The following MRPL54 variants were observed in gnomAD, a reference collection of about 807,000 sequenced individuals.
MRPL54 encodes the protein mitochondrial ribosomal protein L54.
MRPL54 carries 12 observed loss-of-function variants against 15.6 expected under a neutral mutation model. That is an observed-to-expected ratio of 0.77 (90% CI 0.49 to 1.24). The LOEUF (loss-of-function observed/expected upper bound fraction) is 1.24. MRPL54 is among the 50% of genes most tolerant of loss of function. The pLI is 0.00. For missense variants in MRPL54, 178 were observed against 186.8 expected (o/e 0.95, Z 0.28); for synonymous variants, 91 against 75.7 (o/e 1.20, Z -1.05).
intron 1 of MRPL54, among the ~76,000 whole-genome samples, chr19:3,763,048 G>C (rs1249091440): frequency 6.6e-6 from 1 of 152,260 alleles, no homozygotes; most frequent in Non-Finnish European, 1.5e-5. Flanking sequence ...GCCAGCTTGG[G>C]GCGGAGCGGC....
At position 3,762,748 on chromosome 19, in the gene MRPL54, G is replaced by C. The variant is rs541977736; in HGVS notation, c.48G>C (p.Trp16Cys). 6.2e-7 allele frequency: 1 copy of C among 1,610,894 alleles called. No individual in the cohort carries two copies. Among genetic ancestry groups the C allele is most frequent in the Admixed American group, 1.7e-5 (1 of 59,868 alleles). ...LFGATRTWAGWGAWELLNPAT... is the reference protein window; with the variant it reads ...LFGATRTWAGCGAWELLNPAT... ...GGGCTACCCGGACGTGGGCCGGCTG[G>C]GGGGCCTGGGAGCTCCTAAACCCCG... The change falls in exon 1 of 3, where the codon TGG (tryptophan) becomes TGC (cysteine). Residue 16 changes from tryptophan to cysteine, a missense_variant. Transcript: ENST00000330133.
At chr19:3,765,430 C>A (rs1223864027) in intron 2 of MRPL54, 99 bp downstream of exon 2, 1 of 1,344,852 alleles carries the variant, frequency 7.4e-7, no homozygotes. Context: ...CAGCCGGAGC[C>A]TAATAGTCAC....
intron 1 of MRPL54, among the ~76,000 whole-genome samples, chr19:3,763,616 A>AT (rs1409322934): frequency 9.3e-5 from 1 of 10,766 alleles, no homozygotes; most frequent in Non-Finnish European, 1.4e-4. Context: ...CTGTTTGTAT[A>AT]AAAAAAAAAA....
intron 2 of MRPL54, among the ~76,000 whole-genome samples, 180 bp downstream of exon 2, chr19:3,765,511 A>G (rs1272077854): frequency 2.6e-5 from 4 of 152,174 alleles, no homozygotes; most frequent in African/African-American, 9.6e-5. Context: ...GATGGGACCC[A>G]TCCCTCCCTC....
rs756474758 is a variant in MRPL54 at position 3,765,318 on chromosome 19, G to A, written c.271G>A (p.Glu91Lys). 1 of 1,613,752 alleles carries A rather than the reference G, an allele frequency of 6.2e-7. No homozygotes were observed. Among genetic ancestry groups the A allele is most frequent in the Admixed American group, 1.7e-5 (1 of 59,982 alleles). ...GGATGTACCCCTGAAACCGGATGCTGAGTACCCTGAATGGTGAGTAGGCCA... is the reference window on the plus strand; with the variant it reads ...GGATGTACCCCTGAAACCGGATGCTAAGTACCCTGAATGGTGAGTAGGCCA... ...GQDVPLKPDAEYPEWLFEMNL... is the reference protein window; with the variant it reads ...GQDVPLKPDAKYPEWLFEMNL... Residue 91 changes from glutamate (E) to lysine (K), a missense_variant, in exon 2 of 3, where the codon GAG becomes AAG. Coordinates refer to ENST00000330133, the MANE Select transcript of MRPL54 (RefSeq NM_172251.3).
intron 2 of MRPL54, 125 bp from the exon 3 acceptor site, chr19:3,767,136 A>G (rs2037204890): frequency 1.0e-5 from 13 of 1,284,116 alleles, no homozygotes; most frequent in Non-Finnish European, 1.4e-5. Flanking sequence ...GACCACCCTG[A>G]GATCATGCAG....
intron 2 of MRPL54, among the ~76,000 whole-genome samples, chr19:3,765,842 G>A (rs1217732250): frequency 2.7e-5 from 4 of 150,604 alleles, no homozygotes; most frequent in Non-Finnish European, 5.9e-5. Flanking sequence ...AGGTTGCAGT[G>A]AGCTGAGATC....
chr19:3,766,813 G>T (rs972342028), intron 2 of MRPL54, among the ~76,000 whole-genome samples: 2 of 152,252 alleles, frequency 1.3e-5, no homozygotes, highest in African/African-American at 2.4e-5. Context: ...AGGCCCCGGG[G>T]CAGGACCGCA....
At chr19:3,764,168 C>T (rs1357565314) in intron 1 of MRPL54, among the ~76,000 whole-genome samples, 1 of 151,804 alleles carries the variant, frequency 6.6e-6, no homozygotes, top group Non-Finnish European at 1.5e-5. Context: ...CTGCAAGCTC[C>T]GCCTCCTGGG....
intron 1 of MRPL54, 140 bp from the exon 2 acceptor site, chr19:3,765,026 C>CAA (rs368567858): frequency 4.7e-3 from 3,133 of 669,782 alleles, no homozygotes; most frequent in Middle Eastern, 6.4e-3. Context: ...GACTCCGTCT[C>CAA]AAAAAAAAAA....
At chr19:3,764,564 T>C (rs569894581) in intron 1 of MRPL54, among the ~76,000 whole-genome samples, 6 of 151,650 alleles carry the variant, frequency 4.0e-5, no homozygotes, top group Non-Finnish European at 7.4e-5. Flanking sequence ...TATGCCACCA[T>C]GCCCAGCTAA....
chr19:3,762,852 G>C (rs1037616769), intron 1 of MRPL54, 34 bp downstream of exon 1: 7 of 1,480,154 alleles, frequency 4.7e-6, no homozygotes, highest in South Asian at 2.5e-5. Flanking sequence ...AATGGGGACG[G>C]TGGGTGCACT....
chr19:3,763,967 A>G (rs2037175139), intron 1 of MRPL54, among the ~76,000 whole-genome samples: 1 of 151,768 alleles, frequency 6.6e-6, no homozygotes, highest in Non-Finnish European at 1.5e-5. Context: ...GTGGCTCACA[A>G]CTGTGATCTC....
chr19:3,762,955 G>C, intron 1 of MRPL54, 137 bp downstream of exon 1: 1 of 746,488 alleles, frequency 1.3e-6, no homozygotes, highest in Non-Finnish European at 2.1e-6. Flanking sequence ...GTATGCGCAG[G>C]CGCAGTTTGA....
intron 1 of MRPL54, 152 bp from the exon 2 acceptor site, chr19:3,765,014 G>A (rs1156807336): frequency 3.2e-5 from 25 of 790,142 alleles, no homozygotes; most frequent in Middle Eastern, 3.9e-4. Context: ...GCAACAGAGC[G>A]AGACTCCGTC....
rs1263963178 is a variant in MRPL54 at position 3,765,429 on chromosome 19, C to T, written c.284+98C>T. On this transcript the variant is annotated intron_variant, in intron 2 of 2. Coordinates refer to ENST00000330133, the MANE Select transcript of MRPL54 (RefSeq NM_172251.3). Reference sequence around the variant, plus strand: ...AGGCGGATCGCCACTCCAGCCGGAGCCTAATAGTCACACCTACCCATCCTG... The same window carrying T: ...AGGCGGATCGCCACTCCAGCCGGAGTCTAATAGTCACACCTACCCATCCTG... The T allele has an allele frequency of 2.2e-6, 3 of 1,368,282 alleles. No homozygotes were observed. The East Asian group carries it at 7.3e-5, about 33-fold the overall frequency. The allele number at this position is 1,368,282 out of a possible 1,614,324, so 84.8% of individuals were successfully genotyped here.
At chr19:3,765,450 T>C in intron 2 of MRPL54, 119 bp downstream of exon 2, 1 of 1,141,330 alleles carries the variant, frequency 8.8e-7, no homozygotes, top group Non-Finnish European at 1.2e-6. Context: ...CACCTACCCA[T>C]CCTGGCTTTA....
At chr19:3,766,567 G>A (rs188023960) in intron 2 of MRPL54, among the ~76,000 whole-genome samples, 29 of 152,376 alleles carry the variant, frequency 1.9e-4, no homozygotes, top group Non-Finnish European at 3.7e-4. Flanking sequence ...TAGGCTTGAG[G>A]GATACAGAAG....
intron 2 of MRPL54, among the ~76,000 whole-genome samples, chr19:3,766,480 C>T (rs1308349180): frequency 6.6e-6 from 1 of 152,232 alleles, no homozygotes; most frequent in Non-Finnish European, 1.5e-5. Flanking sequence ...TCCCAAAGTG[C>T]TGGGAGTACA....
Sources: gnomAD v4.1 joint callset for allele counts (sites outside exome capture counted in the v4.1 genomes callset) on GRCh38, gnomAD v4.1.1 for gene constraint, MANE v1.5 for transcripts, NCBI Gene and HGNC (gene_info 2026-07-23, HGNC 2026-07-21) for gene names.